PCDHA5: variants seen among roughly 807,000 people sequenced by gnomAD.
The protein encoded by PCDHA5 is protocadherin alpha 5.
Under a neutral mutation model 61.6 loss-of-function variants are expected in PCDHA5, and 43 were observed. The observed-to-expected ratio is 0.70, with a 90% CI of 0.55 to 0.90. The LOEUF is 0.90. Among genes scored for constraint, PCDHA5 ranks in the 40% least tolerant of loss-of-function variants. The pLI is 0.00. For synonymous variants in PCDHA5, 627 were observed against 543.9 expected (o/e 1.15, Z -2.13); for missense variants, 1,298 against 1,222.7 (o/e 1.06, Z -0.92).
At chr5:140,998,906 AG>A (rs1267220398) in intron 3 of PCDHA5, among the ~76,000 whole-genome samples, 10 of 152,208 alleles carry the variant, frequency 6.6e-5, no homozygotes, top group Non-Finnish European at 1.5e-5. Context: ...TGCCTCCGGG[AG>A]GTAGCTATTA....
chr5:140,869,739 A>G lies in PCDHA5; in HGVS notation c.2352+45612A>G, dbSNP rs541641507. 5 of 1,613,386 alleles carry G rather than the reference A, an allele frequency of 3.1e-6. No individual in the cohort carries two copies. In the South Asian group the frequency reaches 5.5e-5, roughly 18 times the overall value. Reference sequence around the variant, plus strand: ...AAACTCCGGAACTTAATTTGCTGCTAACAGCTACAGACGGGGGAAAACCAG... The same window carrying G: ...AAACTCCGGAACTTAATTTGCTGCTGACAGCTACAGACGGGGGAAAACCAG... On this transcript the variant is annotated intron_variant, in intron 1 of 3. Transcript: ENST00000529859.
chr5:140,987,155 A>G (rs2097233368), intron 3 of PCDHA5, among the ~76,000 whole-genome samples: 1 of 151,902 alleles, frequency 6.6e-6, no homozygotes, highest in South Asian at 2.1e-4. Context: ...TGGAGGTTGC[A>G]GTGAGCTGAG....
intron 1 of PCDHA5, chr5:140,928,160 C>T (rs782224079): frequency 1.2e-6 from 2 of 1,614,094 alleles, no homozygotes; most frequent in Non-Finnish European, 1.7e-6. Context: ...AGTGGCTCAC[C>T]CCCACTTAGC....
intron 1 of PCDHA5, chr5:140,968,772 C>T (rs782257554): frequency 1.2e-6 from 2 of 1,614,180 alleles, no homozygotes; most frequent in South Asian, 1.1e-5. Context: ...GGAGAGCCAT[C>T]ACTATCAGCC....
rs781865422 is a variant in PCDHA5, at chr5:140,871,237, C to T, written c.2352+47110C>T. 26 of 1,613,866 alleles carry T rather than the reference C, an allele frequency of 1.6e-5. 1 individual carries two copies. In the South Asian group the frequency reaches 2.3e-4, roughly 14 times the overall value. The stretch of plus-strand genomic sequence containing the variant: ...CTGCGTGGTGTCCAGCCTCCTGGTA[C>T]TCACGCTGCTGCTGTATACGGCGCT... On this transcript the variant is annotated intron_variant, in intron 1 of 3. Coordinates refer to ENST00000529859, the MANE Select transcript of PCDHA5 (RefSeq NM_018908.3).
At chr5:140,875,760 C>T (rs781811926) in intron 1 of PCDHA5, 8 of 1,614,080 alleles carry the variant, frequency 5.0e-6, no homozygotes, top group Non-Finnish European at 5.9e-6. Context: ...AGAAGCTGTG[C>T]GGGCGGAGCG....
At chr5:140,834,144 T>G (rs2150213774) in intron 1 of PCDHA5, 1 of 515,130 alleles carries the variant, frequency 1.9e-6, no homozygotes, top group South Asian at 3.2e-5. Context: ...ATTAATAGTT[T>G]GTAATGGTTT....
At chr5:140,877,930 C>T (rs2057400413) in intron 1 of PCDHA5, 1 of 1,411,700 alleles carries the variant, frequency 7.1e-7, no homozygotes, top group East Asian at 2.5e-5. Flanking sequence ...CTTTATGATT[C>T]TATCCTTTAA....
At position 140,987,445 on chromosome 5, in the gene PCDHA5, G is replaced by A. The variant is rs141923390; in HGVS notation, c.2500+4882G>A. Among the ~76,000 whole-genome samples, 799 of 152,220 alleles carry A rather than the reference G, an allele frequency of 5.2e-3. 4 individuals carry two copies. The highest frequency in any genetic ancestry group is 0.018 in the African/African-American group (765 of 41,528). On this transcript the variant is annotated intron_variant, in intron 3 of 3. Transcript: ENST00000529859. ...AAGCAGGGGGCCTTTCCCCATGCCC[G>A]AGAGATAATTGTTAAGAGCTCAAGC...
At chr5:140,969,948 G>A (rs1206322511) in intron 1 of PCDHA5, among the ~76,000 whole-genome samples, 3 of 152,198 alleles carry the variant, frequency 2.0e-5, no homozygotes, top group African/African-American at 7.2e-5. Context: ...TGAAGCTAAA[G>A]TTTGCTTTGG....
chr5:140,863,884 C>T (rs1388458800), intron 1 of PCDHA5: 1 of 167,076 alleles, frequency 6.0e-6, no homozygotes, highest in Non-Finnish European at 1.3e-5. Flanking sequence ...ACCTGTAATC[C>T]CAGCTACTCA....
intron 1 of PCDHA5, among the ~76,000 whole-genome samples, chr5:140,953,275 C>G (rs1290645865): frequency 6.6e-6 from 1 of 152,074 alleles, no homozygotes; most frequent in African/African-American, 2.4e-5. Context: ...AGCCTTTGCT[C>G]TTTATATGTG....
rs2150474836 is a variant in PCDHA5 at position 140,850,234 on chromosome 5, T to C, written c.2352+26107T>C. ...GGCACTGACGGCGCAGTGAGCGAGA[T>C]GGTGCTGCGGTCGGTGGGCGCCGGC... On this transcript the variant is annotated intron_variant, in intron 1 of 3. Transcript: ENST00000529859. The C allele has an allele frequency of 3.1e-6, 5 of 1,593,808 alleles. 1 individual carries two copies. The highest frequency in any genetic ancestry group is 4.3e-6 in the Non-Finnish European group (5 of 1,167,454).
At chr5:140,869,975 T>C (rs1562636456) in intron 1 of PCDHA5, 1 of 1,613,324 alleles carries the variant, frequency 6.2e-7, no homozygotes, top group Non-Finnish European at 8.5e-7. Flanking sequence ...GGAAGACACT[T>C]ATTTACACTA....
rs1382251688 is a variant in PCDHA5, at chr5:141,010,812, C to A, written c.*875C>A. The A allele has an allele frequency of 6.5e-6, 1 of 153,746 alleles. No homozygotes were observed. Among genetic ancestry groups the A allele is most frequent in the Non-Finnish European group, 1.5e-5 (1 of 68,054 alleles). The allele number at this position is 153,746 out of a possible 1,614,324, so 9.5% of individuals were successfully genotyped here. On this transcript the variant is annotated 3_prime_UTR_variant, in exon 4 of 4. Coordinates refer to ENST00000529859, the MANE Select transcript of PCDHA5 (RefSeq NM_018908.3). The stretch of plus-strand genomic sequence containing the variant: ...GCAAAAGAAAACCCCGACACCTCAC[C>A]TTTCGCTGTTTGTTGTTTCATAGAT...
Position 140,883,704 on chromosome 5 carries a change from C to A in PCDHA5, c.2352+59577C>A, listed in dbSNP as rs782488934. The A allele has an allele frequency of 1.9e-5, 31 of 1,613,628 alleles. 1 individual carries two copies. In the Middle Eastern group the frequency reaches 5.0e-4, roughly 26 times the overall value. ...GGCTGCCACATCTTCACGGTGTCTG[C>A]TCAGGACGCGGACGCACAGGAGAAC... On this transcript the variant is annotated intron_variant, in intron 1 of 3. Transcript: ENST00000529859.
intron 1 of PCDHA5, chr5:140,929,563 G>A: frequency 2.1e-6 from 1 of 470,088 alleles, no homozygotes; most frequent in Non-Finnish European, 3.6e-6. Context: ...ACCTATTTAA[G>A]AACAATAAAA....
chr5:140,994,608 G>A (rs1231327885), intron 3 of PCDHA5, among the ~76,000 whole-genome samples: 1 of 152,098 alleles, frequency 6.6e-6, no homozygotes, highest in African/African-American at 2.4e-5. Context: ...GGGAGGCTGA[G>A]GCACGAGAGT....
intron 1 of PCDHA5, chr5:140,829,317 T>A (rs1327527947): frequency 6.2e-7 from 1 of 1,614,134 alleles, no homozygotes; most frequent in East Asian, 2.2e-5. Context: ...TCGTTGGTGC[T>A]GGACAGTGCC....
Sources: allele counts gnomAD v4.1 joint callset (sites outside exome capture counted in the v4.1 genomes callset), GRCh38; gene constraint gnomAD v4.1.1; transcripts MANE v1.5; gene names NCBI Gene and HGNC (gene_info 2026-07-23, HGNC 2026-07-21).